The following BMPER variants were observed in gnomAD, a reference collection of about 807,000 sequenced individuals.
The protein encoded by BMPER is BMP-binding endothelial regulator protein.
BMPER carries 45 observed loss-of-function variants against 87.3 expected under a neutral mutation model. That is an observed-to-expected ratio of 0.52 (90% CI 0.41 to 0.66). The LOEUF (loss-of-function observed/expected upper bound fraction) is 0.66. Among genes scored for constraint, BMPER ranks in the 30% least tolerant of loss-of-function variants. The pLI is 0.00. For missense variants in BMPER, 784 were observed against 867.5 expected (o/e 0.90, Z 1.21); for synonymous variants, 326 against 316.2 (o/e 1.03, Z -0.33).
chr7:34,110,653 G>A (rs991698232), intron 13 of BMPER, among the ~76,000 whole-genome samples: 3 of 152,186 alleles, frequency 2.0e-5, no homozygotes, highest in Non-Finnish European at 2.9e-5. Flanking sequence ...TAGTTGTGTC[G>A]TAGGGAGATC....
chr7:33,954,127 T>G (rs1785093574), intron 3 of BMPER, among the ~76,000 whole-genome samples: 1 of 152,208 alleles, frequency 6.6e-6, no homozygotes, highest in Non-Finnish European at 1.5e-5. Context: ...TCAGCAGGCT[T>G]GGGATCCCCT....
chr7:34,035,433 A>G (rs1180525004), intron 6 of BMPER, among the ~76,000 whole-genome samples: 1 of 152,236 alleles, frequency 6.6e-6, no homozygotes, highest in Non-Finnish European at 1.5e-5. Flanking sequence ...ATTGCTATTT[A>G]GAAATGAAAA....
intron 13 of BMPER, among the ~76,000 whole-genome samples, chr7:34,092,179 G>C (rs571830895): frequency 6.6e-6 from 1 of 152,202 alleles, no homozygotes; most frequent in East Asian, 1.9e-4. Context: ...AAACTGGTCA[G>C]AGTGAGTAGA....
intron 11 of BMPER, among the ~76,000 whole-genome samples, chr7:34,070,399 T>C (rs1788706491): frequency 6.6e-6 from 1 of 152,224 alleles, no homozygotes; most frequent in African/African-American, 2.4e-5. Flanking sequence ...TAATCAATCA[T>C]CAGGTTTGCT....
At chr7:34,045,702 C>A (rs1175619265) in intron 6 of BMPER, among the ~76,000 whole-genome samples, 1 of 152,146 alleles carries the variant, frequency 6.6e-6, no homozygotes, top group Non-Finnish European at 1.5e-5. Context: ...TTCAGTGTAT[C>A]CATTTTCAGC....
chr7:33,916,245 C>T (rs1312293251), intron 2 of BMPER, among the ~76,000 whole-genome samples: 8 of 152,124 alleles, frequency 5.3e-5, no homozygotes, highest in African/African-American at 1.9e-4. Context: ...ATGGGTTGCT[C>T]CTCTATTTTT....
intron 13 of BMPER, among the ~76,000 whole-genome samples, chr7:34,129,343 A>G (rs949057021): frequency 6.6e-5 from 10 of 151,938 alleles, no homozygotes; most frequent in African/African-American, 2.4e-4. Context: ...TGTACTAAAA[A>G]TACAAAAAAT....
intron 13 of BMPER, among the ~76,000 whole-genome samples, chr7:34,141,319 A>G (rs1204367836): frequency 3.3e-5 from 5 of 152,174 alleles, no homozygotes. Flanking sequence ...ATTAAGAAAT[A>G]CAATCTTGAG....
chr7:33,971,483 C>G (rs185284793), intron 5 of BMPER, among the ~76,000 whole-genome samples: 1 of 152,260 alleles, frequency 6.6e-6, no homozygotes, highest in East Asian at 1.9e-4. Flanking sequence ...TACATGAAAG[C>G]CAAACACTGG....
intron 14 of BMPER, among the ~76,000 whole-genome samples, chr7:34,148,815 G>A (rs984893686): frequency 7.9e-5 from 12 of 152,148 alleles, no homozygotes; most frequent in African/African-American, 2.9e-4. Context: ...CACAAAGAAT[G>A]TGGTGGGAAA....
intron 12 of BMPER, among the ~76,000 whole-genome samples, chr7:34,084,741 A>G (rs1374899143): frequency 6.6e-6 from 1 of 152,236 alleles, no homozygotes; most frequent in Non-Finnish European, 1.5e-5. Context: ...AGATGTATCT[A>G]TGCTGTGTGA....
chr7:34,046,157 G>A, intron 6 of BMPER, 149 bp from the exon 7 acceptor site: 2 of 754,758 alleles, frequency 2.6e-6, no homozygotes, highest in South Asian at 3.1e-5. Context: ...AAGATCAAAG[G>A]ACGCTTGGGG....
rs578064252 is a variant in BMPER at position 33,981,125 on chromosome 7, C to T, written c.576+6341C>T. On this transcript the variant is annotated intron_variant, in intron 6 of 14. Transcript: ENST00000649409. Reference sequence around the variant, plus strand: ...GGCCACTCTGGCCTTCAGACAGAACCTCTCCATCCTTGCTACACAAAGGGA... The same window carrying T: ...GGCCACTCTGGCCTTCAGACAGAACTTCTCCATCCTTGCTACACAAAGGGA... Among the ~76,000 whole-genome samples, 11 of 152,306 alleles carry T rather than the reference C, an allele frequency of 7.2e-5. No individual in the cohort carries two copies. In the South Asian group the frequency reaches 1.9e-3, roughly 26 times the overall value.
chr7:33,913,041 G>A (rs999310804), intron 2 of BMPER, among the ~76,000 whole-genome samples: 7 of 152,130 alleles, frequency 4.6e-5, no homozygotes, highest in Admixed American at 3.3e-4. Context: ...TGGGGGAGAC[G>A]AACACATATA....
chr7:34,054,832 G>A (rs1788239756), intron 8 of BMPER, among the ~76,000 whole-genome samples: 1 of 152,228 alleles, frequency 6.6e-6, no homozygotes, highest in South Asian at 2.1e-4. Flanking sequence ...GTAGAGGGCA[G>A]GAAGAAGGAA....
intron 14 of BMPER, 147 bp downstream of exon 14, chr7:34,143,507 C>T (rs1372536300): frequency 1.6e-6 from 2 of 1,228,860 alleles, no homozygotes; most frequent in Non-Finnish European, 2.3e-6. Context: ...TGGATTGCTA[C>T]TTGATAAAAC....
At chr7:34,145,409 A>G (rs1259078778) in intron 14 of BMPER, among the ~76,000 whole-genome samples, 4 of 152,178 alleles carry the variant, frequency 2.6e-5, no homozygotes, top group Non-Finnish European at 4.4e-5. Context: ...GTGCCACTCT[A>G]TCAATGCTGC....
chr7:34,101,500 G>T (rs993358871), intron 13 of BMPER, among the ~76,000 whole-genome samples: 5 of 152,202 alleles, frequency 3.3e-5, no homozygotes, highest in Non-Finnish European at 7.3e-5. Context: ...CAAGAAAATT[G>T]TGCACTAATC....
chr7:34,065,197 A>ACT (rs1562720393), intron 11 of BMPER, among the ~76,000 whole-genome samples: 17 of 129,240 alleles, frequency 1.3e-4, no homozygotes, highest in South Asian at 2.6e-4. Flanking sequence ...ACACACATAC[A>ACT]CACTCACTCT....
Sources: gnomAD v4.1 joint callset for allele counts (sites outside exome capture counted in the v4.1 genomes callset) on GRCh38, gnomAD v4.1.1 for gene constraint, MANE v1.5 for transcripts, NCBI Gene and HGNC (gene_info 2026-07-23, HGNC 2026-07-21) for gene names.